ADAM32: variants seen among roughly 807,000 people sequenced by gnomAD.
ADAM32 encodes ADAM metallopeptidase domain 32.
Under a neutral mutation model 114.9 loss-of-function variants are expected in ADAM32, and 89 were observed. The ratio of observed to expected loss-of-function variants is 0.77; its 90% CI spans 0.65 to 0.92. ADAM32 has a LOEUF of 0.92. ADAM32 is among the 40% of genes least tolerant of loss of function. The pLI, the probability that ADAM32 is intolerant of heterozygous loss-of-function variation, is 0.00. For missense variants in ADAM32, 870 were observed against 932.8 expected (o/e 0.93, Z 0.88); for synonymous variants, 285 against 307.5 (o/e 0.93, Z 0.77).
chr8:39,167,451 C>G (rs990958656), intron 9 of ADAM32: 1 of 152,060 alleles, frequency 6.6e-6, no homozygotes. Flanking sequence ...TATGGCCTTA[C>G]AGTATAGTTT....
At chr8:39,126,575 G>A (rs1802128976) in intron 2 of ADAM32, among the ~76,000 whole-genome samples, 1 of 152,092 alleles carries the variant, frequency 6.6e-6, no homozygotes, top group Non-Finnish European at 1.5e-5. Flanking sequence ...GAAGCTTTTG[G>A]GCTGAGAGGA....
In ADAM32 at chr8:39,227,218, C is replaced by G. The variant is rs1585588609; in HGVS notation, c.1525+3980C>G. ...TGTGGAAGTGGGAAAGGGGGACCCT[C>G]CCTTCCTCCTCTCCTGAACACACAC... is the stretch of plus-strand genomic sequence containing the variant. On this transcript the variant is annotated intron_variant, in intron 14 of 24. Transcript: ENST00000379907. Among the ~76,000 whole-genome samples the G allele has an allele frequency of 2.0e-5, 3 of 152,310 alleles. No individual in the cohort carries two copies. The South Asian group carries it at 6.2e-4, about 32-fold the overall frequency.
At chr8:39,112,427 G>A (rs1031780058) in intron 1 of ADAM32, among the ~76,000 whole-genome samples, 2 of 151,586 alleles carry the variant, frequency 1.3e-5, no homozygotes, top group Non-Finnish European at 2.9e-5. Flanking sequence ...TATGGCTTCT[G>A]CATTTTGTTT....
intron 3 of ADAM32, among the ~76,000 whole-genome samples, chr8:39,144,164 C>T (rs1009608183): frequency 5.3e-5 from 8 of 152,180 alleles, no homozygotes; most frequent in African/African-American, 1.9e-4. Context: ...AATCCCCTGA[C>T]CCCTTGAGCT....
chr8:39,231,072 T>C (rs1364243167), intron 14 of ADAM32, among the ~76,000 whole-genome samples: 3 of 152,146 alleles, frequency 2.0e-5, no homozygotes, highest in African/African-American at 7.2e-5. Flanking sequence ...AATCCTGTGA[T>C]TAGCTTATAT....
intron 2 of ADAM32, among the ~76,000 whole-genome samples, chr8:39,120,826 G>A (rs941413146): frequency 2.6e-5 from 4 of 151,554 alleles, no homozygotes; most frequent in African/African-American, 9.7e-5. Flanking sequence ...TGTTATTGGA[G>A]ACTGGAGGAA....
intron 11 of ADAM32, among the ~76,000 whole-genome samples, chr8:39,200,384 AT>A (rs1585522047): frequency 2.0e-5 from 3 of 152,004 alleles, no homozygotes; most frequent in Non-Finnish European, 2.9e-5. Flanking sequence ...GATGATGAGC[AT>A]TTTTTTCATG....
intron 2 of ADAM32, among the ~76,000 whole-genome samples, chr8:39,123,855 C>G (rs1038038756): frequency 6.6e-6 from 1 of 151,724 alleles, no homozygotes; most frequent in Non-Finnish European, 1.5e-5. Flanking sequence ...TACAGGCACA[C>G]GCCATGACAC....
intron 8 of ADAM32, 60 bp from the exon 9 acceptor site, chr8:39,164,970 G>A: frequency 6.6e-7 from 1 of 1,521,366 alleles, no homozygotes; most frequent in East Asian, 2.3e-5. Context: ...TTGAATTTCT[G>A]GGTTTTTATA....
At chr8:39,265,475 G>A (rs1230799959) in intron 19 of ADAM32, among the ~76,000 whole-genome samples, 1 of 152,158 alleles carries the variant, frequency 6.6e-6, no homozygotes, top group East Asian at 1.9e-4. Flanking sequence ...CTTTAAGTGG[G>A]GCATTTATCC....
At chr8:39,169,258 G>A (rs1482789573) in intron 9 of ADAM32, 1 of 152,154 alleles carries the variant, frequency 6.6e-6, no homozygotes, top group Non-Finnish European at 1.5e-5. Flanking sequence ...ATATGGCTCG[G>A]ATTCAGACTG....
At position 39,120,722 on chromosome 8, in the gene ADAM32, A is replaced by G. The variant is rs115851632; in HGVS notation, c.138+2557A>G. On this transcript the variant is annotated intron_variant, in intron 2 of 24. Coordinates refer to ENST00000379907, the MANE Select transcript of ADAM32 (RefSeq NM_145004.7). ...GGTTGCAGTGAGCCGAGATTGGGCC[A>G]CTGCACATTAGCCTGGGTGACAGAG... Among the ~76,000 whole-genome samples the G allele has an allele frequency of 4.0e-3, 585 of 146,530 alleles. 5 individuals are homozygous for G. Among genetic ancestry groups the G allele is most frequent in the African/African-American group, 0.013 (537 of 40,098 alleles).
At chr8:39,230,960 G>C (rs1809697943) in intron 14 of ADAM32, among the ~76,000 whole-genome samples, 3 of 152,118 alleles carry the variant, frequency 2.0e-5, no homozygotes, top group African/African-American at 4.8e-5. Flanking sequence ...GTGGTAGGTA[G>C]AATCCTAAAG....
chr8:39,109,712 T>C (rs1442585023), intron 1 of ADAM32, among the ~76,000 whole-genome samples: 1 of 152,206 alleles, frequency 6.6e-6, no homozygotes, highest in Admixed American at 6.5e-5. Context: ...TTTGTTACAA[T>C]TGAGCCTACA....
intron 1 of ADAM32, among the ~76,000 whole-genome samples, chr8:39,112,650 C>T (rs953979294): frequency 1.3e-5 from 2 of 152,076 alleles, no homozygotes; most frequent in African/African-American, 4.8e-5. Context: ...TTACATCATT[C>T]CCCCATTCAT....
intron 14 of ADAM32, among the ~76,000 whole-genome samples, chr8:39,224,794 CTATT>C (rs1367654857): frequency 6.6e-6 from 1 of 151,990 alleles, no homozygotes; most frequent in Non-Finnish European, 1.5e-5. Context: ...AAATAGAAAA[CTATT>C]TATGAAGGAT....
intron 6 of ADAM32, 89 bp downstream of exon 6, chr8:39,151,637 G>T (rs1312975018): frequency 2.4e-5 from 21 of 858,060 alleles, no homozygotes; most frequent in Admixed American, 4.0e-5. Context: ...GCCCACTGTA[G>T]AATTGTAGCA....
At chr8:39,172,105 G>T (rs1461267967) in intron 10 of ADAM32, among the ~76,000 whole-genome samples, 1 of 151,810 alleles carries the variant, frequency 6.6e-6, no homozygotes, top group Non-Finnish European at 1.5e-5. Flanking sequence ...AAGCTTTGAT[G>T]GTCAAAGGAG....
chr8:39,198,139 T>C (rs1301377170), intron 11 of ADAM32, among the ~76,000 whole-genome samples: 1 of 151,334 alleles, frequency 6.6e-6, no homozygotes, highest in Non-Finnish European at 1.5e-5. Context: ...AGCTACTCTT[T>C]CATGCTTTTG....
Sources: gnomAD v4.1 joint callset for allele counts (sites outside exome capture counted in the v4.1 genomes callset) on GRCh38, gnomAD v4.1.1 for gene constraint, MANE v1.5 for transcripts, NCBI Gene and HGNC (gene_info 2026-07-23, HGNC 2026-07-21) for gene names.